The following CDH9 variants were observed in gnomAD, a reference collection of about 807,000 sequenced individuals.
CDH9 encodes the protein cadherin 9.
In CDH9, 28 loss-of-function variants were observed where a neutral mutation model predicts 70.9. The observed-to-expected ratio is 0.40, with a 90% CI of 0.29 to 0.54. The LOEUF is 0.54. Among genes scored for constraint, CDH9 ranks in the 20% least tolerant of loss-of-function variants. The pLI is 0.59. For synonymous variants in CDH9, 409 were observed against 343.1 expected (o/e 1.19, Z -2.12); for missense variants, 874 against 984.4 (o/e 0.89, Z 1.50).
intron 11 of CDH9, among the ~76,000 whole-genome samples, chr5:26,881,901 G>T (rs952854843): frequency 2.0e-5 from 3 of 151,906 alleles, no homozygotes; most frequent in African/African-American, 7.2e-5. Context: ...TTATCCAACT[G>T]CAATTGCCTG....
intron 2 of CDH9, among the ~76,000 whole-genome samples, chr5:26,987,202 T>C (rs1178462023): frequency 6.6e-6 from 1 of 151,050 alleles, no homozygotes. Context: ...AGTACATATA[T>C]GCCATGACTC....
chr5:26,963,854 A>T (rs1378846806), intron 2 of CDH9, among the ~76,000 whole-genome samples: 1 of 152,136 alleles, frequency 6.6e-6, no homozygotes. Flanking sequence ...ATTGGAATGT[A>T]TAGGTTAATA....
intron 1 of CDH9, among the ~76,000 whole-genome samples, chr5:27,030,182 C>G (rs545035623): frequency 6.6e-6 from 1 of 152,074 alleles, no homozygotes; most frequent in African/African-American, 2.4e-5. Context: ...CTTATCTCTT[C>G]TTCGTGAATT....
intron 7 of CDH9, among the ~76,000 whole-genome samples, chr5:26,892,006 T>G (rs1011012162): frequency 6.6e-6 from 1 of 152,114 alleles, no homozygotes; most frequent in African/African-American, 2.4e-5. Flanking sequence ...AATATGGCCC[T>G]GTTCACACCG....
chr5:26,897,695 A>AACCC (rs1026142948), intron 7 of CDH9, among the ~76,000 whole-genome samples: 1 of 152,168 alleles, frequency 6.6e-6, no homozygotes, highest in Non-Finnish European at 1.5e-5. Flanking sequence ...ATTTATGACA[A>AACCC]ACCCACAGCC....
intron 1 of CDH9, among the ~76,000 whole-genome samples, chr5:27,001,838 A>ACTCTCT (rs1186197846): frequency 3.2e-5 from 4 of 123,238 alleles, no homozygotes; most frequent in African/African-American, 1.5e-4. Flanking sequence ...ATACACACAC[A>ACTCTCT]CACACACTCT....
At chr5:27,032,759 A>G (rs1340157180) in intron 1 of CDH9, among the ~76,000 whole-genome samples, 1 of 151,514 alleles carries the variant, frequency 6.6e-6, no homozygotes, top group Non-Finnish European at 1.5e-5. Context: ...ATATACAATC[A>G]AGCACATTGT....
At chr5:26,968,580 T>G (rs567654511) in intron 2 of CDH9, among the ~76,000 whole-genome samples, 4 of 152,132 alleles carry the variant, frequency 2.6e-5, no homozygotes, top group African/African-American at 4.8e-5. Context: ...AAATGAATAG[T>G]TATTATCTCA....
chr5:26,993,612 TGAA>T (rs921590688), intron 1 of CDH9, among the ~76,000 whole-genome samples: 11 of 133,430 alleles, frequency 8.2e-5, no homozygotes, highest in Non-Finnish European at 1.2e-4. Context: ...CAGTTTGAAG[TGAA>T]GAAGAAGGAT....
chr5:26,891,988 C>A (rs1386038099), intron 7 of CDH9, among the ~76,000 whole-genome samples: 2 of 152,104 alleles, frequency 1.3e-5, no homozygotes, highest in Non-Finnish European at 2.9e-5. Context: ...CTAGAATATA[C>A]GGAAAGAAAT....
At chr5:27,023,339 A>G in intron 1 of CDH9, among the ~76,000 whole-genome samples, 1 of 151,988 alleles carries the variant, frequency 6.6e-6, no homozygotes, top group Admixed American at 6.6e-5. Flanking sequence ...TTGTTTTAGG[A>G]AGATTTTCAT....
chr5:27,022,000 C>A (rs1402280476), intron 1 of CDH9, among the ~76,000 whole-genome samples: 1 of 151,954 alleles, frequency 6.6e-6, no homozygotes, highest in Admixed American at 6.6e-5. Flanking sequence ...CCAGACATTA[C>A]ATTGAAACAG....
chr5:26,886,276 G>A (rs1478655708), intron 9 of CDH9, among the ~76,000 whole-genome samples, 193 bp from the exon 10 acceptor site: 1 of 152,076 alleles, frequency 6.6e-6, no homozygotes, highest in Non-Finnish European at 1.5e-5. Flanking sequence ...AACTTATTTA[G>A]TTAAGAGTGG....
Position 26,880,938 on chromosome 5 carries a change from T to G in CDH9, c.*198A>C, listed in dbSNP as rs575307570. ...TTAGGCAAAGAGGGTGAACTGGTTA[T>G]TACTTTTTTAAAAATCTGTATCATT... On this transcript the variant is annotated 3_prime_UTR_variant, in exon 12 of 12. Coordinates refer to ENST00000231021, the MANE Select transcript of CDH9 (RefSeq NM_016279.4). 4.1e-5 allele frequency: 18 copies of G among 444,084 alleles called. No individual in the cohort carries two copies. The South Asian group carries it at 1.0e-3, about 25-fold the overall frequency. 27.5% of individuals were successfully genotyped at this position (444,084 alleles called of 1,614,324 possible). A position where few individuals can be genotyped will look rare whatever the true frequency, so the allele number is the denominator to read the frequency against.
At chr5:27,026,381 A>C (rs1431656630) in intron 1 of CDH9, among the ~76,000 whole-genome samples, 1 of 151,840 alleles carries the variant, frequency 6.6e-6, no homozygotes, top group African/African-American at 2.4e-5. Context: ...TTGCTACCCA[A>C]AATGGTATGT....
intron 2 of CDH9, among the ~76,000 whole-genome samples, chr5:26,938,234 C>A (rs1741595196): frequency 6.6e-6 from 1 of 150,772 alleles, no homozygotes; most frequent in Non-Finnish European, 1.5e-5. Context: ...AAGCCATAGG[C>A]TGGAATAAAA....
chr5:26,932,447 A>G (rs1353022112), intron 2 of CDH9, among the ~76,000 whole-genome samples: 3 of 152,146 alleles, frequency 2.0e-5, no homozygotes, highest in African/African-American at 7.2e-5. Context: ...ATCAAAATTA[A>G]GATCTCATCA....
intron 2 of CDH9, among the ~76,000 whole-genome samples, chr5:26,984,015 TA>T (rs1257384544): frequency 1.1e-4 from 17 of 152,022 alleles, no homozygotes; most frequent in Admixed American, 1.1e-3. Flanking sequence ...AACAGATTCC[TA>T]CCAATTTTTC....
intron 1 of CDH9, among the ~76,000 whole-genome samples, chr5:27,019,407 GA>G (rs1743099091): frequency 6.6e-6 from 1 of 151,758 alleles, no homozygotes; most frequent in African/African-American, 2.4e-5. Context: ...TGTAATATTT[GA>G]AAAATAACAT....
Sources: gnomAD v4.1 joint callset for allele counts (sites outside exome capture counted in the v4.1 genomes callset) on GRCh38, gnomAD v4.1.1 for gene constraint, MANE v1.5 for transcripts, NCBI Gene and HGNC (gene_info 2026-07-23, HGNC 2026-07-21) for gene names.